PREP: variants seen among roughly 807,000 people sequenced by gnomAD.
PREP encodes the protein prolyl endopeptidase, also known as dJ355L5.1 (prolyl endopeptidase).
Under a neutral mutation model 87.6 loss-of-function variants are expected in PREP, and 29 were observed. The ratio of observed to expected loss-of-function variants is 0.33; its 90% CI spans 0.25 to 0.45. PREP has a LOEUF of 0.45. Ranked by LOEUF, PREP falls within the 20% of genes least tolerant of loss-of-function variation. PREP has a pLI of 1.00. For synonymous variants in PREP, 337 were observed against 328.6 expected (o/e 1.03, Z -0.28); for missense variants, 695 against 886.5 (o/e 0.78, Z 2.74).
intron 6 of PREP, among the ~76,000 whole-genome samples, chr6:105,353,826 C>T (rs1772024014): frequency 6.7e-6 from 1 of 150,024 alleles, no homozygotes; most frequent in South Asian, 2.1e-4. Flanking sequence ...AAGAAATTCA[C>T]TATGGTTCAC....
At chr6:105,399,836 A>G (rs35991451) in intron 1 of PREP, among the ~76,000 whole-genome samples, 20,372 of 152,268 alleles carry the variant, frequency 0.13, 1,778 homozygotes, top group Middle Eastern at 0.25. Flanking sequence ...AACCATATCA[A>G]GTTCAGAACC....
chr6:105,303,214 A>G (rs1247218849), intron 10 of PREP, among the ~76,000 whole-genome samples: 1 of 152,090 alleles, frequency 6.6e-6, no homozygotes, highest in Non-Finnish European at 1.5e-5. Context: ...TCAGGCATGC[A>G]CCACCACATG....
At chr6:105,349,128 T>A (rs1214875101) in intron 7 of PREP, among the ~76,000 whole-genome samples, 1 of 152,186 alleles carries the variant, frequency 6.6e-6, no homozygotes, top group Non-Finnish European at 1.5e-5. Flanking sequence ...TCATGGAAAT[T>A]ACCTGTTCAG....
In PREP at chr6:105,304,692, C is replaced by A. The variant is rs76966840; in HGVS notation, c.1318-15798G>T. 4.4e-4 allele frequency among the ~76,000 whole-genome samples: 67 copies of A among 152,084 alleles called. No homozygotes were observed. In the East Asian group the frequency reaches 0.012, roughly 28 times the overall value. Reference sequence around the variant, plus strand: ...TGCTACATCAAGACATAAATTAATGCCCAAACTGGACCCTACATTTCAATT... The same window carrying A: ...TGCTACATCAAGACATAAATTAATGACCAAACTGGACCCTACATTTCAATT... On this transcript the variant is annotated intron_variant, in intron 10 of 14. Coordinates refer to ENST00000652536, the MANE Select transcript of PREP (RefSeq NM_002726.5).
At chr6:105,349,979 A>G (rs1771904810) in intron 7 of PREP, among the ~76,000 whole-genome samples, 1 of 151,120 alleles carries the variant, frequency 6.6e-6, no homozygotes, top group Non-Finnish European at 1.5e-5. Context: ...AGACCCCTGA[A>G]TTTTCAATTA....
chr6:105,280,442 G>A (rs1229254761), intron 14 of PREP, among the ~76,000 whole-genome samples: 1 of 152,140 alleles, frequency 6.6e-6, no homozygotes, highest in Non-Finnish European at 1.5e-5. Context: ...GGAATGAAGG[G>A]CCAAAAAGAA....
Position 105,278,326 on chromosome 6 carries a change from T to C in PREP, c.1951A>G (p.Lys651Glu). 1.2e-6 allele frequency: 2 copies of C among 1,614,174 alleles called. No individual in the cohort carries two copies. The highest frequency in any genetic ancestry group is 1.7e-6 in the Non-Finnish European group (2 of 1,180,024). Residue 651 changes from lysine to glutamate, a missense_variant, in exon 15 of 15, where the codon AAG becomes GAG. Coordinates refer to ENST00000652536, the MANE Select transcript of PREP (RefSeq NM_002726.5). This position sits in a 1 kb window ranked among gnomAD's most constrained non-coding sequence, Gnocchi z 4.2. ...DDRVVPLHSL[K>E]FIATLQYIVG... ...ATGTACTGAAGGGTGGCAATGAACT[T>C]CAGGGAGTGAAGCGGGACCACGCGG...
At chr6:105,339,992 C>T (rs940705474) in intron 7 of PREP, among the ~76,000 whole-genome samples, 13 of 152,104 alleles carry the variant, frequency 8.5e-5, no homozygotes, top group African/African-American at 3.1e-4. Flanking sequence ...AGGAGAACGC[C>T]CCCAGCCTAG....
At chr6:105,393,167 T>C (rs921543213) in intron 2 of PREP, among the ~76,000 whole-genome samples, 2 of 152,216 alleles carry the variant, frequency 1.3e-5, no homozygotes, top group Non-Finnish European at 2.9e-5. Context: ...TTACAGAGCT[T>C]CTAAAACAAA....
Position 105,403,059 on chromosome 6 carries a change from C to G in PREP, c.-168G>C, listed in dbSNP as rs1767959315. On this transcript the variant is annotated 5_prime_UTR_variant, in exon 1 of 15. Transcript: ENST00000652536. ...AGCTAGCACAAACGGACTGGCGGCG[C>G]GGCGGCGAGGACGTGCAGAAAGCAG... 1 of 281,586 alleles carries G rather than the reference C, an allele frequency of 3.6e-6. No individual in the cohort carries two copies. Among genetic ancestry groups the G allele is most frequent in the Non-Finnish European group, 6.5e-6 (1 of 152,850 alleles). The allele number at this position is 281,586 out of a possible 1,614,324, so 17.4% of individuals were successfully genotyped here.
At chr6:105,300,640 TGAA>T (rs1770514368) in intron 10 of PREP, among the ~76,000 whole-genome samples, 1 of 151,726 alleles carries the variant, frequency 6.6e-6, no homozygotes, top group Non-Finnish European at 1.5e-5. Flanking sequence ...AAAAAACTAC[TGAA>T]GAAATGGTGT....
chr6:105,344,604 C>G (rs1771749883), intron 7 of PREP, among the ~76,000 whole-genome samples: 1 of 151,870 alleles, frequency 6.6e-6, no homozygotes, highest in African/African-American at 2.4e-5. Context: ...ACTGCATGTT[C>G]TCACTCATAG....
At chr6:105,298,696 A>T in intron 10 of PREP, 1 of 155,072 alleles carries the variant, frequency 6.4e-6, no homozygotes. Context: ...GACCTGCACC[A>T]GTGTTGCCTG....
chr6:105,291,301 T>C (rs569043812), intron 10 of PREP, among the ~76,000 whole-genome samples: 1 of 152,344 alleles, frequency 6.6e-6, no homozygotes, highest in South Asian at 2.1e-4. Flanking sequence ...ATGATGGACT[T>C]TTCCTTTCAT....
At chr6:105,394,667 TG>T (rs752769877) in intron 2 of PREP, among the ~76,000 whole-genome samples, 15 of 152,144 alleles carry the variant, frequency 9.9e-5, no homozygotes, top group Admixed American at 3.9e-4. Context: ...TAGCCAGGCA[TG>T]GTGGTGTGCG....
intron 6 of PREP, among the ~76,000 whole-genome samples, chr6:105,357,822 C>A (rs1278170674): frequency 2.6e-5 from 4 of 151,644 alleles, no homozygotes; most frequent in African/African-American, 9.7e-5. Flanking sequence ...TTCCTAAAAG[C>A]CAGATTTAAA....
chr6:105,386,462 T>C (rs1261521751), intron 2 of PREP, among the ~76,000 whole-genome samples: 1 of 152,134 alleles, frequency 6.6e-6, no homozygotes. Context: ...GAGAGTCATG[T>C]ATATGATTAA....
chr6:105,366,003 C>A (rs1772372506), intron 6 of PREP, among the ~76,000 whole-genome samples: 1 of 152,030 alleles, frequency 6.6e-6, no homozygotes, highest in Non-Finnish European at 1.5e-5. Flanking sequence ...GCCTATAATC[C>A]CAGCACTTTG....
intron 10 of PREP, among the ~76,000 whole-genome samples, chr6:105,320,565 A>C (rs1302316477): frequency 6.6e-6 from 1 of 152,192 alleles, no homozygotes; most frequent in Non-Finnish European, 1.5e-5. Flanking sequence ...TATCAGCTAC[A>C]CCACCAGGTA....
Sources: allele counts gnomAD v4.1 joint callset (sites outside exome capture counted in the v4.1 genomes callset), GRCh38; gene constraint gnomAD v4.1.1; non-coding constraint Gnocchi (gnomAD v3.1); transcripts MANE v1.5; gene names NCBI Gene and HGNC (gene_info 2026-07-23, HGNC 2026-07-21).